Variants in MAPRE2 observed in about 807,000 individuals in gnomAD.
The protein encoded by MAPRE2 is microtubule associated protein RP/EB family member 2, also known as microtubule-associated protein RP/EB family member 2.
Under a neutral mutation model 43.2 loss-of-function variants are expected in MAPRE2, and 13 were observed. The observed-to-expected ratio is 0.30, with a 90% CI of 0.20 to 0.48. MAPRE2 has a LOEUF of 0.48. Ranked by LOEUF, MAPRE2 falls within the 20% of genes least tolerant of loss-of-function variation. MAPRE2 has a pLI of 0.99. For synonymous variants in MAPRE2, 135 were observed against 148.8 expected (o/e 0.91, Z 0.68); for missense variants, 161 against 400.2 (o/e 0.40, Z 5.10).
rs143287390 is a variant in MAPRE2 at position 35,132,414 on chromosome 18, G to T, written c.909+224G>T. 2.0e-5 allele frequency among the ~76,000 whole-genome samples: 3 copies of T among 152,358 alleles called. No homozygotes were observed. In the East Asian group the frequency reaches 5.8e-4, roughly 29 times the overall value. Reference sequence around the variant, plus strand: ...TAAATTAATCTGGGAAGAGACAGGTGGGGTGGGGAAGGCTTTGACAGAAAA... The same window carrying T: ...TAAATTAATCTGGGAAGAGACAGGTTGGGTGGGGAAGGCTTTGACAGAAAA... On this transcript the variant is annotated intron_variant, in intron 6 of 6. Coordinates refer to ENST00000300249, the MANE Select transcript of MAPRE2 (RefSeq NM_014268.4).
intron 2 of MAPRE2, among the ~76,000 whole-genome samples, chr18:35,091,382 A>T (rs1015311930): frequency 6.6e-6 from 1 of 151,754 alleles, no homozygotes; most frequent in African/African-American, 2.4e-5. Context: ...TCTCCTAGAT[A>T]TCTCATTATA....
chr18:35,027,762 T>C (rs746596675), intron 2 of MAPRE2, among the ~76,000 whole-genome samples: 9 of 152,194 alleles, frequency 5.9e-5, no homozygotes. Flanking sequence ...TACATTATGG[T>C]TTTGTGGACC....
intron 6 of MAPRE2, among the ~76,000 whole-genome samples, chr18:35,134,264 A>G (rs2144253913): frequency 6.6e-6 from 1 of 152,310 alleles, no homozygotes; most frequent in Non-Finnish European, 1.5e-5. Context: ...GAACCCTGAA[A>G]TCTGAATCCT....
At position 35,041,875 on chromosome 18, in the gene MAPRE2, GT is replaced by G. The variant is rs1325649785; in HGVS notation, c.122+217del. 7 of 1,207,168 alleles carry G rather than the reference GT, an allele frequency of 5.8e-6. No individual in the cohort carries two copies. In the East Asian group the frequency reaches 1.9e-4, roughly 32 times the overall value. The allele number at this position is 1,207,168 out of a possible 1,614,324, so 74.8% of individuals were successfully genotyped here. A position where few individuals can be genotyped will look rare whatever the true frequency, so the allele number is the denominator to read the frequency against. On this transcript the variant is annotated intron_variant, in intron 1 of 6. Transcript: ENST00000300249. ...CAGATGGAAAGCATTTTGTGAATAG[GT>G]TTGCTGCCTTCGAGGGGTCTCCCTC...
At chr18:34,985,365 A>T (rs868072708) in intron 1 of MAPRE2, among the ~76,000 whole-genome samples, 174 of 39,918 alleles carry the variant, frequency 4.4e-3, no homozygotes, top group African/African-American at 5.5e-3. Context: ...ATATAATATA[A>T]TATATAATAT....
At chr18:35,044,394 C>T (rs1174919191) in intron 1 of MAPRE2, among the ~76,000 whole-genome samples, 2 of 152,174 alleles carry the variant, frequency 1.3e-5, no homozygotes, top group Admixed American at 1.3e-4. Flanking sequence ...CCACGCCCAG[C>T]TAATTTTGTA....
intron 1 of MAPRE2, among the ~76,000 whole-genome samples, chr18:35,061,548 A>G (rs946694041): frequency 1.3e-5 from 2 of 152,164 alleles, no homozygotes; most frequent in Non-Finnish European, 2.9e-5. Context: ...TCACAGTCAT[A>G]GAGCCCCGTA....
chr18:35,119,005 C>G (rs761066400), intron 4 of MAPRE2, among the ~76,000 whole-genome samples: 9 of 152,170 alleles, frequency 5.9e-5, no homozygotes, highest in Admixed American at 5.9e-4. Flanking sequence ...GGCATGTTCC[C>G]TGCAGGGAAC....
upstream of MAPRE2, chr18:35,041,220 G>C (rs1603392906): frequency 1.1e-6 from 1 of 879,862 alleles, no homozygotes; most frequent in Non-Finnish European, 1.6e-6. Flanking sequence ...GCCAGATGTA[G>C]GCCTGCCCCG....
At chr18:35,073,016 CTA>C (rs896999933) in intron 2 of MAPRE2, among the ~76,000 whole-genome samples, 1 of 152,006 alleles carries the variant, frequency 6.6e-6, no homozygotes, top group African/African-American at 2.4e-5. Context: ...AAGGTATAAA[CTA>C]TAGACTCTAT....
At chr18:35,134,126 A>C (rs188542057) in intron 6 of MAPRE2, among the ~76,000 whole-genome samples, 1 of 152,356 alleles carries the variant, frequency 6.6e-6, no homozygotes, top group African/African-American at 2.4e-5. Flanking sequence ...TTAGCTTATT[A>C]GCTCCTATAA....
rs540049475 is a variant in MAPRE2, at chr18:35,042,545, G to C, written c.122+884G>C. On this transcript the variant is annotated intron_variant, in intron 1 of 6. Transcript: ENST00000300249. ...CTCATTAAAATTGTTTGCATTGTTT[G>C]ATAAGGATAACAATGTAATGGAGAA... Among the ~76,000 whole-genome samples the C allele has an allele frequency of 4.6e-5, 7 of 152,320 alleles. No homozygotes were observed. In the South Asian group the frequency reaches 1.4e-3, roughly 32 times the overall value.
At chr18:35,028,277 C>T (rs972847680) in intron 2 of MAPRE2, among the ~76,000 whole-genome samples, 1 of 152,102 alleles carries the variant, frequency 6.6e-6, no homozygotes, top group African/African-American at 2.4e-5. Context: ...CAAAATGTTA[C>T]CTTACAAATC....
intron 1 of MAPRE2, among the ~76,000 whole-genome samples, chr18:35,001,152 T>C (rs1434850868): frequency 2.0e-5 from 3 of 152,180 alleles, no homozygotes; most frequent in Non-Finnish European, 4.4e-5. Context: ...AATGTGGACA[T>C]TTTATAAGAT....
At chr18:35,017,281 T>A (rs1353704180) in intron 2 of MAPRE2, among the ~76,000 whole-genome samples, 1 of 143,506 alleles carries the variant, frequency 7.0e-6, no homozygotes, top group Non-Finnish European at 1.5e-5. Flanking sequence ...TTGCTTTGGC[T>A]ATTTGAGCTC....
rs530208717 is a variant in MAPRE2 at position 34,996,593 on chromosome 18, A to G, written c.-69-8899A>G. Among the ~76,000 whole-genome samples the G allele has an allele frequency of 2.9e-4, 44 of 152,302 alleles. 1 individual carries two copies. The highest frequency in any genetic ancestry group is 7.9e-4 in the African/African-American group (33 of 41,570). On this transcript the variant is annotated intron_variant, in intron 1 of 7. Transcript: ENST00000413393. ...GTCCCAGCTTCAAAGTACAACAAACATGGGTTGGAAGCTTCAGTTCATACA... is the reference window on the plus strand; with the variant it reads ...GTCCCAGCTTCAAAGTACAACAAACGTGGGTTGGAAGCTTCAGTTCATACA...
intron 4 of MAPRE2, among the ~76,000 whole-genome samples, chr18:35,105,128 G>A (rs939973470): frequency 2.0e-5 from 3 of 152,132 alleles, no homozygotes; most frequent in East Asian, 1.9e-4. Context: ...GCAGATAAAC[G>A]TGTGCCATTT....
At chr18:35,016,236 A>G (rs2097038176) in intron 2 of MAPRE2, among the ~76,000 whole-genome samples, 1 of 151,834 alleles carries the variant, frequency 6.6e-6, no homozygotes, top group Non-Finnish European at 1.5e-5. Context: ...CATCTTCACT[A>G]TTGTGAACAG....
Position 35,072,830 on chromosome 18 carries a change from A to C in MAPRE2, c.250+2508A>C, listed in dbSNP as rs1267205893. Reference sequence around the variant, plus strand: ...GATCACTATCAAACAGATACACATAATTACCATTAGGATAACTTACTGGCT... The same window carrying C: ...GATCACTATCAAACAGATACACATACTTACCATTAGGATAACTTACTGGCT... On this transcript the variant is annotated intron_variant, in intron 2 of 6. Coordinates refer to ENST00000300249, the MANE Select transcript of MAPRE2 (RefSeq NM_014268.4). Among the ~76,000 whole-genome samples the C allele has an allele frequency of 2.6e-5, 4 of 152,188 alleles. No homozygotes were observed. The East Asian group carries it at 7.7e-4, about 29-fold the overall frequency.
Sources: gnomAD v4.1 joint callset for allele counts (sites outside exome capture counted in the v4.1 genomes callset) on GRCh38, gnomAD v4.1.1 for gene constraint, MANE v1.5 for transcripts, NCBI Gene and HGNC (gene_info 2026-07-23, HGNC 2026-07-21) for gene names.